The following GBP5 variants were observed in gnomAD, a reference collection of about 807,000 sequenced individuals.
The protein encoded by GBP5 is guanylate-binding protein 5.
Under a neutral mutation model 58.2 loss-of-function variants are expected in GBP5, and 48 were observed. The observed-to-expected ratio is 0.83, with a 90% CI of 0.65 to 1.05. GBP5 has a LOEUF of 1.05. Among genes scored for constraint, GBP5 ranks in the 50% least tolerant of loss-of-function variants. GBP5 has a pLI of 0.00. For missense variants in GBP5, 714 were observed against 686.8 expected (o/e 1.04, Z -0.44); for synonymous variants, 248 against 251.8 (o/e 0.98, Z 0.14).
intron 1 of GBP5, chr1:89,272,075 G>A (rs1248698888): frequency 6.6e-6 from 1 of 152,136 alleles, no homozygotes; most frequent in Non-Finnish European, 1.5e-5. Context: ...TCTTTCTCAT[G>A]AAAATAATAG....
chr1:89,267,113 A>G lies in GBP5; in HGVS notation c.469T>C (p.Ser157Pro). 1 of 1,607,676 alleles carries G rather than the reference A, an allele frequency of 6.2e-7. No homozygotes were observed. The highest frequency in any genetic ancestry group is 2.2e-5 in the East Asian group (1 of 44,804). Reference sequence around the variant, plus strand: ...TCTTCAACCCTGTCAAGGTCGGGTGAGTTTCTTGCCTTGAGCAGATCTGTC... The same window carrying G: ...TCTTCAACCCTGTCAAGGTCGGGTGGGTTTCTTGCCTTGAGCAGATCTGTC... ...ELTDLLKARN[S>P]PDLDRVEDPA... The change falls in exon 6 of 12, where the codon TCA (serine) becomes CCA (proline). Residue 157 changes from serine (S) to proline (P), a missense_variant. Transcript: ENST00000370459.
rs1650035557 is a variant in GBP5 at position 89,262,281 on chromosome 1, A to G, written c.1586T>C (p.Met529Thr). 6.2e-7 allele frequency: 1 copy of G among 1,613,810 alleles called. No individual in the cohort carries two copies. Among genetic ancestry groups the G allele is most frequent in the Admixed American group, 1.7e-5 (1 of 59,982 alleles). ...CAGCCAATTTTGTTTGGCTATCTCC[A>G]TTTGTCTCACTTGTTCCTGATGGAG... ...ERLHQEQVRQMEIAKQNWLAE... is the reference protein window; with the variant it reads ...ERLHQEQVRQTEIAKQNWLAE... The change falls in exon 11 of 12, where the codon ATG becomes ACG. Residue 529 changes from methionine (M) to threonine (T), a missense_variant. Met to Thr is a moderately conservative substitution (Grantham distance 81, BLOSUM62 -1). Coordinates refer to ENST00000370459, the MANE Select transcript of GBP5 (RefSeq NM_052942.5).
At chr1:89,262,605 T>A in intron 10 of GBP5, 78 bp downstream of exon 10, 5 of 1,053,062 alleles carry the variant, frequency 4.7e-6, no homozygotes, top group Non-Finnish European at 4.3e-6. Flanking sequence ...TAGTTTAACA[T>A]CCCATGAGGG....
At position 89,264,875 on chromosome 1, in the gene GBP5, T is replaced by C; in HGVS notation, c.960A>G (p.Arg320=). The C allele has an allele frequency of 6.2e-7, 1 of 1,613,482 alleles. No homozygotes were observed. The highest frequency in any genetic ancestry group is 8.5e-7 in the Non-Finnish European group (1 of 1,180,030). ...CCTTTTGCACTGCAGCTGAGTTCTC[T>C]CTCTGAGCCAAGGCCAGGACTGCAT... ...IENAVLALAQ[R]ENSAAVQKAI... Residue 320 remains arginine, a synonymous_variant, in exon 8 of 12, where the codon AGA becomes AGG. Coordinates refer to ENST00000370459, the MANE Select transcript of GBP5 (RefSeq NM_052942.5).
rs371618962 is a variant in GBP5 at position 89,269,353 on chromosome 1, T to C, written c.190+13A>G. On this transcript the variant is annotated intron_variant, in intron 3 of 11. Coordinates refer to ENST00000370459, the MANE Select transcript of GBP5 (RefSeq NM_052942.5). The stretch of plus-strand genomic sequence containing the variant: ...ACAGAAGGGTTTGGCAGAGCTTTGC[T>C]GGTACCACTCACCCTTGTTCTTCCC... 22 of 1,613,242 alleles carry C rather than the reference T, an allele frequency of 1.4e-5. No individual in the cohort carries two copies. In the African/African-American group the frequency reaches 2.8e-4, roughly 21 times the overall value.
chr1:89,271,755 A>G (rs574271445), intron 1 of GBP5: 1 of 152,380 alleles, frequency 6.6e-6, no homozygotes, highest in East Asian at 1.9e-4. Flanking sequence ...AATTTCAACG[A>G]GTGAACAGTT....
At chr1:89,272,016 T>C (rs1372295922) in intron 1 of GBP5, 1 of 152,230 alleles carries the variant, frequency 6.6e-6, no homozygotes, top group Non-Finnish European at 1.5e-5. Flanking sequence ...AACATTTTTT[T>C]CTTGTCCTTA....
At position 89,256,552 on chromosome 1, in the gene GBP5, G is replaced by A. The variant is rs1040051724; in HGVS notation, c.*4152C>T. Among the ~76,000 whole-genome samples the A allele has an allele frequency of 5.9e-5, 9 of 152,256 alleles. No individual in the cohort carries two copies. Among genetic ancestry groups the A allele is most frequent in the African/African-American group, 2.2e-4 (9 of 41,544 alleles). ...AATAATTTTGAAAAACAGAGAATGG[G>A]ATGTAACTAACTAAAATATTGCTTT... On this transcript the variant is annotated 3_prime_UTR_variant, in exon 12 of 12. Coordinates refer to ENST00000370459, the MANE Select transcript of GBP5 (RefSeq NM_052942.5).
intron 9 of GBP5, 60 bp from the exon 10 acceptor site, chr1:89,262,845 C>T (rs1203081705): frequency 9.8e-7 from 1 of 1,016,170 alleles, no homozygotes; most frequent in African/African-American, 1.6e-5. Context: ...ATGTTGTAAA[C>T]ATCTTTGTCT....
At chr1:89,268,955 G>T in intron 3 of GBP5, 99 bp from the exon 4 acceptor site, 2 of 1,218,354 alleles carry the variant, frequency 1.6e-6, no homozygotes, top group Non-Finnish European at 2.4e-6. Context: ...AAGATGAGGA[G>T]ATAGCAGAAT....
In GBP5 at chr1:89,260,430, C is replaced by A; in HGVS notation, c.*274G>T. On this transcript the variant is annotated 3_prime_UTR_variant, in exon 12 of 12. Transcript: ENST00000370459. ...CAAGGAAAGCATCTCCTGATGAAAC[C>A]ATCCCAATATCACGCATAAATGAAG... 7.5e-6 allele frequency: 2 copies of A among 265,042 alleles called. No individual in the cohort carries two copies. Among genetic ancestry groups the A allele is most frequent in the South Asian group, 5.6e-5 (1 of 17,798 alleles). 16.4% of individuals were successfully genotyped at this position (265,042 alleles called of 1,614,324 possible).
chr1:89,267,273 A>G (rs1233114314), intron 5 of GBP5, 120 bp from the exon 6 acceptor site: 1 of 968,610 alleles, frequency 1.0e-6, no homozygotes. Flanking sequence ...TCATTTTATC[A>G]GTAAATATAA....
rs1315087798 is a variant in GBP5, at chr1:89,268,845, C to A, written c.202G>T (p.Ala68Ser). ...LAGKNKGFSV[A>S]STVQSHTKGI... The stretch of plus-strand genomic sequence containing the variant: ...TTGGTGTGAGACTGCACCGTAGATG[C>A]AACAGAGAAGCCTGTCAGGGGGAGT... Residue 68 changes from alanine to serine, a missense_variant, in exon 4 of 12, where the codon GCA becomes TCA. Transcript: ENST00000370459. The A allele has an allele frequency of 6.2e-7, 1 of 1,613,676 alleles. No homozygotes were observed. Among genetic ancestry groups the A allele is most frequent in the Admixed American group, 1.7e-5 (1 of 59,952 alleles).
chr1:89,266,845 C>A, intron 6 of GBP5, 112 bp downstream of exon 6: 1 of 681,082 alleles, frequency 1.5e-6, no homozygotes, highest in Non-Finnish European at 2.3e-6. Context: ...TTTAGGAGAG[C>A]TGGGTGAATA....
In GBP5 at chr1:89,269,564, T is replaced by C. The variant is rs369371806; in HGVS notation, c.-9A>G. 11 of 1,604,868 alleles carry C rather than the reference T, an allele frequency of 6.9e-6. No individual in the cohort carries two copies. The highest frequency in any genetic ancestry group is 9.4e-6 in the Non-Finnish European group (11 of 1,172,364). Reference sequence around the variant, plus strand: ...TGGATCTCTAAAGCCATGTCTAGGATGTTACTTTGCCTGCAAGGGAACAGA... The same window carrying C: ...TGGATCTCTAAAGCCATGTCTAGGACGTTACTTTGCCTGCAAGGGAACAGA... On this transcript the variant is annotated 5_prime_UTR_variant, in exon 3 of 12. Transcript: ENST00000370459.
intron 10 of GBP5, 113 bp from the exon 11 acceptor site, chr1:89,262,514 C>G: frequency 1.9e-6 from 2 of 1,047,934 alleles, no homozygotes; most frequent in East Asian, 2.6e-5. Flanking sequence ...GGTTGTTTTT[C>G]CCTTCCAGGT....
rs372643791 is a variant in GBP5, at chr1:89,262,327, T to C, written c.1540A>G (p.Met514Val). The change falls in exon 11 of 12, where the codon ATG becomes GTG. Residue 514 changes from methionine to valine, a missense_variant. Met to Val is a conservative substitution (Grantham distance 21). Transcript: ENST00000370459. ...LAAIQRQNEQMMQERERLHQE... is the reference protein window; with the variant it reads ...LAAIQRQNEQVMQERERLHQE... ...TGGAGTCTCTCCCTCTCCTGCATCATTTGCTCGTTCTGCCTTTGAATCGCC... is the reference window on the plus strand; with the variant it reads ...TGGAGTCTCTCCCTCTCCTGCATCACTTGCTCGTTCTGCCTTTGAATCGCC... 144 of 1,614,054 alleles carry C rather than the reference T, an allele frequency of 8.9e-5. No individual in the cohort carries two copies. The highest frequency in any genetic ancestry group is 1.2e-4 in the Non-Finnish European group (139 of 1,180,012).
intron 5 of GBP5, 78 bp downstream of exon 5, chr1:89,267,339 A>C (rs549299997): frequency 1.8e-6 from 2 of 1,114,438 alleles, no homozygotes; most frequent in East Asian, 2.4e-5. Context: ...TGTGATTCAC[A>C]AGGTCTCACA....
chr1:89,267,190 C>T, intron 5 of GBP5, 37 bp from the exon 6 acceptor site: 2 of 1,513,146 alleles, frequency 1.3e-6, no homozygotes, highest in Non-Finnish European at 1.8e-6. Context: ...AGAAATAGGA[C>T]CACATCTAAA....
Sources: allele counts gnomAD v4.1 joint callset (sites outside exome capture counted in the v4.1 genomes callset), GRCh38; gene constraint gnomAD v4.1.1; transcripts MANE v1.5; gene names NCBI Gene and HGNC (gene_info 2026-07-23, HGNC 2026-07-21).